The following COPG2 variants were observed in gnomAD, a reference collection of about 807,000 sequenced individuals.
The protein encoded by COPG2 is coatomer subunit gamma-2.
A neutral mutation model predicts 46.3 loss-of-function variants in COPG2; 37 were observed. The ratio of observed to expected loss-of-function variants is 0.80; its 90% confidence interval spans 0.61 to 1.05. The LOEUF (loss-of-function observed/expected upper bound fraction) is 1.05, where lower values mean the gene tolerates loss of function less well. Among genes scored for constraint, COPG2 ranks in the 50% least tolerant of loss-of-function variants. The pLI is 0.00. For synonymous variants in COPG2, 159 were observed against 129.7 expected, an observed-to-expected ratio of 1.23 and a Z score of -1.53; for missense variants, 427 against 387.8, an observed-to-expected ratio of 1.10 and a Z score of -0.85.
chr7:130,563,345 A>AAAT lies in COPG2; in HGVS notation c.872-12_872-10dup, dbSNP rs1247369419. The AAAT allele has an allele frequency of 1.6e-3, 650 of 397,026 alleles. 6 individuals are homozygous for AAAT. The East Asian group carries it at 0.018, about 11-fold the overall frequency. 24.6% of individuals were successfully genotyped at this position (397,026 alleles called of 1,614,324 possible). The stretch of plus-strand genomic sequence containing the variant: ...ACAGAAAAGTTGAAGAACTAAAAAA[A>AAAT]AATAATAATAATAATATGTAACATT... On this transcript the variant is annotated splice_polypyrimidine_tract_variant and intron_variant, in intron 10 of 23. Coordinates refer to ENST00000425248, the MANE Select transcript of COPG2 (RefSeq NM_012133.6).
chr7:130,603,935 T>C (rs1794683902), intron 9 of COPG2: 2 of 471,928 alleles, frequency 4.2e-6, no homozygotes, highest in African/African-American at 2.0e-5. Context: ...TAACACGTTT[T>C]ATGTTATATG....
intron 5 of COPG2, among the ~76,000 whole-genome samples, chr7:130,639,043 C>A (rs1440310328): frequency 6.6e-6 from 1 of 152,140 alleles, no homozygotes. Context: ...TTCAACTTGA[C>A]CTCCAGGGGC....
At position 130,552,405 on chromosome 7, in the gene COPG2, A is replaced by G. The variant is rs1793546730; in HGVS notation, c.1494T>C (p.Phe498=). ...GGAGAAGACTCTCATTCTGAGCCCCAAATTTAGCCAAAGCACTCACAGCAG... is the reference window on the plus strand; with the variant it reads ...GGAGAAGACTCTCATTCTGAGCCCCGAATTTAGCCAAAGCACTCACAGCAG... The part of the protein sequence containing the change: ...RAAAVSALAK[F]GAQNESLLPS... The change falls in exon 15 of 24, where the codon TTT becomes TTC. Residue 498 remains phenylalanine (F), a synonymous_variant. Transcript: ENST00000425248. 1 of 398,300 alleles carries G rather than the reference A, an allele frequency of 2.5e-6. No homozygotes were observed. The highest frequency in any genetic ancestry group is 4.4e-6 in the Non-Finnish European group (1 of 225,950). The allele number at this position is 398,300 out of a possible 1,614,324, so 24.7% of individuals were successfully genotyped here. A position where few individuals can be genotyped will look rare whatever the true frequency, so the allele number is the denominator to read the frequency against.
At chr7:130,563,380 T>C in intron 10 of COPG2, 44 bp from the exon 11 acceptor site, 2 of 395,498 alleles carry the variant, frequency 5.1e-6, no homozygotes, top group Non-Finnish European at 8.9e-6. Flanking sequence ...TAAGTAATAT[T>C]ACATATACAT....
intron 3 of COPG2, 77 bp downstream of exon 3, chr7:130,666,772 T>C: frequency 1.5e-6 from 1 of 688,760 alleles, no homozygotes; most frequent in Non-Finnish European, 2.5e-6. Flanking sequence ...AAATATACTT[T>C]CCAGAAAGTA....
intron 9 of COPG2, among the ~76,000 whole-genome samples, chr7:130,600,616 A>T (rs1209485551): frequency 1.3e-5 from 2 of 152,078 alleles, no homozygotes; most frequent in African/African-American, 4.8e-5. Flanking sequence ...GCTTATATTA[A>T]TATTGCTACA....
chr7:130,611,100 A>G lies in COPG2; in HGVS notation c.590T>C (p.Leu197Ser). The G allele has an allele frequency of 6.2e-7, 1 of 1,613,480 alleles. No individual in the cohort carries two copies. The highest frequency in any genetic ancestry group is 8.5e-7 in the Non-Finnish European group (1 of 1,179,664). ...CTTTCTAAGGTGATACAGGACTCCC[A>G]ATGCATGGTACTAAAGAACATGAAA... ...SDNIMVQYHA[L>S]GVLYHLRKND... The change falls in exon 9 of 24, where the codon TTG (leucine) becomes TCG (serine). Residue 197 changes from leucine (L) to serine (S), a missense_variant. Transcript: ENST00000425248.
chr7:130,603,746 AT>A (rs1554450744), intron 9 of COPG2: 8 of 376,762 alleles, frequency 2.1e-5, no homozygotes, highest in East Asian at 7.4e-5. Context: ...AAAAAAAAAA[AT>A]TTGCGGCAAT....
chr7:130,540,622 CAG>C (rs1465987338), intron 20 of COPG2, among the ~76,000 whole-genome samples: 2 of 151,918 alleles, frequency 1.3e-5, no homozygotes, highest in South Asian at 2.1e-4. Flanking sequence ...TGGTTCCAAG[CAG>C]AGAGTTCCAG....
At chr7:130,580,748 G>C (rs1174478277) in intron 9 of COPG2, among the ~76,000 whole-genome samples, 1 of 126,954 alleles carries the variant, frequency 7.9e-6, no homozygotes, top group African/African-American at 3.5e-5. Context: ...AAATCTAGAA[G>C]AAATGGATAA....
At chr7:130,602,372 T>C (rs1251144934) in intron 9 of COPG2, among the ~76,000 whole-genome samples, 2 of 151,730 alleles carry the variant, frequency 1.3e-5, no homozygotes, top group African/African-American at 2.4e-5. Flanking sequence ...GCTATATCTA[T>C]AATATTACAA....
intron 9 of COPG2, among the ~76,000 whole-genome samples, chr7:130,585,303 T>A (rs1489442222): frequency 6.6e-6 from 1 of 152,050 alleles, no homozygotes; most frequent in Non-Finnish European, 1.5e-5. Flanking sequence ...GCTTACCTTA[T>A]ACAAAAATCA....
At position 130,548,391 on chromosome 7, in the gene COPG2, G is replaced by C. The variant is rs1793479028; in HGVS notation, c.1977+12C>G. The C allele has an allele frequency of 5.0e-6, 2 of 398,480 alleles. No homozygotes were observed. The highest frequency in any genetic ancestry group is 4.4e-6 in the Non-Finnish European group (1 of 226,022). 24.7% of individuals were successfully genotyped at this position (398,480 alleles called of 1,614,324 possible). On this transcript the variant is annotated intron_variant, in intron 19 of 23. Transcript: ENST00000425248. ...TACTAAATCTCTACAGCAGCCAAGG[G>C]CATTATCTTACCTGGAACACGATGT... is the stretch of plus-strand genomic sequence containing the variant.
At chr7:130,539,706 C>T (rs1008306268) in intron 20 of COPG2, among the ~76,000 whole-genome samples, 5 of 152,140 alleles carry the variant, frequency 3.3e-5, no homozygotes, top group Non-Finnish European at 7.4e-5. Flanking sequence ...GCAGCGCCAA[C>T]AGGGGAGTCA....
chr7:130,568,042 G>A (rs1793831960), intron 9 of COPG2, among the ~76,000 whole-genome samples: 1 of 152,110 alleles, frequency 6.6e-6, no homozygotes, highest in Admixed American at 6.5e-5. Context: ...ACTTTGGGAG[G>A]CCGAGGCAGG....
intron 5 of COPG2, among the ~76,000 whole-genome samples, chr7:130,622,647 C>G (rs764694486): frequency 2.0e-5 from 3 of 152,156 alleles, no homozygotes; most frequent in Non-Finnish European, 2.9e-5. Context: ...ACAACTAATT[C>G]CAAGGCCATA....
chr7:130,596,437 AC>A (rs1472106624), intron 9 of COPG2, among the ~76,000 whole-genome samples: 1 of 152,148 alleles, frequency 6.6e-6, no homozygotes, highest in East Asian at 1.9e-4. Flanking sequence ...TATCTCTACT[AC>A]GAAGTTTTAC....
At chr7:130,552,309 A>C (rs942671281) in intron 15 of COPG2, 46 bp downstream of exon 15, 47 of 398,000 alleles carry the variant, frequency 1.2e-4, no homozygotes, top group African/African-American at 9.2e-4. Context: ...CTGTTTAACC[A>C]TATAGAATTC....
chr7:130,621,496 G>C (rs370099596), intron 5 of COPG2, among the ~76,000 whole-genome samples: 158 of 152,284 alleles, frequency 1.0e-3, no homozygotes, highest in African/African-American at 3.5e-3. Context: ...TTAAGAAATA[G>C]TGTGGCTGTG....
Sources: allele counts gnomAD v4.1 joint callset (sites outside exome capture counted in the v4.1 genomes callset), GRCh38; gene constraint gnomAD v4.1.1; transcripts MANE v1.5; gene names NCBI Gene and HGNC (gene_info 2026-07-23, HGNC 2026-07-21).